WASF1: variants seen among roughly 807,000 people sequenced by gnomAD.
WASF1 encodes the protein actin-binding protein WASF1.
A neutral mutation model predicts 50.5 loss-of-function variants in WASF1; 7 were observed. The observed-to-expected ratio is 0.14, with a 90% CI of 0.08 to 0.26. The LOEUF (loss-of-function observed/expected upper bound fraction) is 0.26, where lower values mean the gene tolerates loss of function less well. Among genes scored for constraint, WASF1 ranks in the 10% least tolerant of loss-of-function variants. WASF1 has a pLI of 1.00. For missense variants in WASF1, 470 were observed against 694.7 expected, an observed-to-expected ratio of 0.68 and a Z score of 3.64; for synonymous variants, 205 against 244.0, an observed-to-expected ratio of 0.84 and a Z score of 1.49.
intron 8 of WASF1, 66 bp downstream of exon 8, chr6:110,105,341 A>C (rs1201786339): frequency 2.1e-6 from 3 of 1,462,206 alleles, no homozygotes; most frequent in Admixed American, 4.7e-5. Flanking sequence ...CAAGACTTAG[A>C]AGTACAGATA....
chr6:110,147,890 G>A (rs537115443), intron 3 of WASF1, among the ~76,000 whole-genome samples: 6 of 152,272 alleles, frequency 3.9e-5, no homozygotes, highest in Admixed American at 2.0e-4. Flanking sequence ...TGGGACTACA[G>A]GGTGTGCCAG....
intron 4 of WASF1, among the ~76,000 whole-genome samples, chr6:110,124,677 C>T (rs567184566): frequency 5.9e-5 from 9 of 152,116 alleles, no homozygotes; most frequent in Non-Finnish European, 8.8e-5. Flanking sequence ...GAGGCCGAGG[C>T]GGGTGGATCA....
intron 7 of WASF1, among the ~76,000 whole-genome samples, 169 bp downstream of exon 7, chr6:110,106,908 G>C (rs1286136607): frequency 6.6e-6 from 1 of 152,136 alleles, no homozygotes; most frequent in Non-Finnish European, 1.5e-5. Context: ...TTGCTCATCT[G>C]CTCCCCATCA....
chr6:110,101,975 G>C lies in WASF1; in HGVS notation c.1135C>G (p.Pro379Ala), dbSNP rs770097380. The change falls in exon 10 of 11, where the codon CCT becomes GCT. Residue 379 changes from proline (P) to alanine (A), a missense_variant. Physicochemically the swap from Pro to Ala is conservative, Grantham distance 27. Coordinates refer to ENST00000392589, the MANE Select transcript of WASF1 (RefSeq NM_003931.3). ...GGAGGAGCTGGGTGAAGAACTCCAGGGGCAATCTGAAGAGGAGCTGGAGGT... is the reference window on the plus strand; with the variant it reads ...GGAGGAGCTGGGTGAAGAACTCCAGCGGCAATCTGAAGAGGAGCTGGAGGT... ...PPPPAPLQIA[P>A]GVLHPAPPPI... 3 of 1,593,340 alleles carry C rather than the reference G, an allele frequency of 1.9e-6. No individual in the cohort carries two copies. Among genetic ancestry groups the C allele is most frequent in the African/African-American group, 2.7e-5 (2 of 74,586 alleles).
intron 2 of WASF1, among the ~76,000 whole-genome samples, chr6:110,173,001 C>A (rs905421098): frequency 6.6e-6 from 1 of 152,092 alleles, no homozygotes; most frequent in Non-Finnish European, 1.5e-5. Flanking sequence ...TTTCGTTTAA[C>A]CCTTTCACAA....
At chr6:110,169,357 T>G (rs1027892689) in intron 2 of WASF1, among the ~76,000 whole-genome samples, 1 of 152,110 alleles carries the variant, frequency 6.6e-6, no homozygotes, top group African/African-American at 2.4e-5. Flanking sequence ...AAAAGGAAAC[T>G]TATTCTTTGG....
intron 4 of WASF1, among the ~76,000 whole-genome samples, chr6:110,116,025 C>A (rs573532023): frequency 6.6e-6 from 1 of 152,284 alleles, no homozygotes; most frequent in Non-Finnish European, 1.5e-5. Flanking sequence ...AAACCAGTAC[C>A]AGACAATGAG....
At chr6:110,105,255 T>C (rs1280904347) in intron 8 of WASF1, 152 bp downstream of exon 8, 4 of 798,980 alleles carry the variant, frequency 5.0e-6, no homozygotes, top group Non-Finnish European at 7.4e-6. Context: ...CTGACTTTAG[T>C]AGGCTCACAG....
intron 4 of WASF1, among the ~76,000 whole-genome samples, chr6:110,115,779 T>A (rs1773778415): frequency 6.6e-6 from 1 of 152,186 alleles, no homozygotes; most frequent in Admixed American, 6.5e-5. Context: ...AAGAAAACCA[T>A]CAAGCTCAAG....
At chr6:110,124,236 CTCTCTCTCT>C (rs1774289336) in intron 4 of WASF1, among the ~76,000 whole-genome samples, 3 of 6,200 alleles carry the variant, frequency 4.8e-4, no homozygotes, top group African/African-American at 1.6e-3. Context: ...CCTCTCTCTC[CTCTCTCTCT>C]CTCTCTCTCT....
chr6:110,131,948 T>A (rs1033964678), intron 3 of WASF1, among the ~76,000 whole-genome samples: 1 of 152,230 alleles, frequency 6.6e-6, no homozygotes, highest in African/African-American at 2.4e-5. Context: ...CACCTCTACC[T>A]GTTGGGAATT....
At chr6:110,125,869 G>A (rs1323932380) in intron 4 of WASF1, among the ~76,000 whole-genome samples, 1 of 152,094 alleles carries the variant, frequency 6.6e-6, no homozygotes, top group Non-Finnish European at 1.5e-5. Flanking sequence ...GCTGATAGAT[G>A]TTGCTTATAT....
At chr6:110,172,895 G>A (rs1290857129) in intron 2 of WASF1, among the ~76,000 whole-genome samples, 2 of 152,084 alleles carry the variant, frequency 1.3e-5, no homozygotes, top group African/African-American at 4.8e-5. Flanking sequence ...TAACTAAACT[G>A]TACGTGTACC....
chr6:110,147,935 C>T (rs552836599), intron 3 of WASF1, among the ~76,000 whole-genome samples: 32 of 152,166 alleles, frequency 2.1e-4, no homozygotes, highest in African/African-American at 6.5e-4. Flanking sequence ...TTTGAAGAGA[C>T]GAGATTTTGC....
rs145547535 is a variant in WASF1, at chr6:110,143,527, T to A, written c.-28-15898A>T. The stretch of plus-strand genomic sequence containing the variant: ...ATTGAGAAATCAGAAAAGTACACTA[T>A]CTAAATTCTGATTTCAGAACTCAAA... On this transcript the variant is annotated intron_variant, in intron 3 of 10. Transcript: ENST00000392589. 3.1e-3 allele frequency among the ~76,000 whole-genome samples: 473 copies of A among 152,162 alleles called. 1 individual carries two copies. Among genetic ancestry groups the A allele is most frequent in the African/African-American group, 0.011 (450 of 41,540 alleles).
chr6:110,153,189 C>T (rs79338467), intron 3 of WASF1, among the ~76,000 whole-genome samples: 3,241 of 152,164 alleles, frequency 0.021, 118 homozygotes, highest in African/African-American at 0.074. Context: ...AGCAGTGGAA[C>T]GGTTGGGTTA....
intron 2 of WASF1, among the ~76,000 whole-genome samples, chr6:110,174,729 C>A (rs1776853896): frequency 6.6e-6 from 1 of 152,162 alleles, no homozygotes; most frequent in Admixed American, 6.5e-5. Context: ...AATGTCACTT[C>A]TTTTCCTTTT....
At chr6:110,115,208 A>AG (rs1396553453) in intron 4 of WASF1, among the ~76,000 whole-genome samples, 2 of 151,306 alleles carry the variant, frequency 1.3e-5, no homozygotes, top group African/African-American at 4.8e-5. Context: ...GTCCTATTCC[A>AG]GAAAAAAAAA....
chr6:110,127,388 T>C, intron 4 of WASF1, 81 bp downstream of exon 4: 4 of 1,246,500 alleles, frequency 3.2e-6, no homozygotes, highest in Non-Finnish European at 3.2e-6. Flanking sequence ...TACTCCCAAA[T>C]TAATCAGAAG....
Sources: allele counts gnomAD v4.1 joint callset (sites outside exome capture counted in the v4.1 genomes callset), GRCh38; gene constraint gnomAD v4.1.1; transcripts MANE v1.5; gene names NCBI Gene and HGNC (gene_info 2026-07-23, HGNC 2026-07-21).